PKP2: variants seen among roughly 807,000 people sequenced by gnomAD.
The protein encoded by PKP2 is plakophilin 2.
PKP2 carries 73 observed loss-of-function variants against 83.4 expected under a neutral mutation model. The ratio of observed to expected loss-of-function variants is 0.88; its 90% CI spans 0.72 to 1.06. PKP2 has a LOEUF of 1.06. Ranked by LOEUF, PKP2 falls within the 50% of genes least tolerant of loss-of-function variation. PKP2 has a pLI of 0.00. For synonymous variants in PKP2, 409 were observed against 430.4 expected (o/e 0.95, Z 0.62); for missense variants, 966 against 1,065.4 (o/e 0.91, Z 1.30).
chr12:32,850,621 GTA>G, intron 5 of PKP2, 143 bp downstream of exon 5: 1 of 718,108 alleles, frequency 1.4e-6, no homozygotes, highest in Non-Finnish European at 2.5e-6. Flanking sequence ...AAGCCAGCAG[GTA>G]ACAATGTTCC....
intron 10 of PKP2, among the ~76,000 whole-genome samples, chr12:32,797,561 T>TC (rs1956138798): frequency 1.0e-5 from 1 of 97,346 alleles, no homozygotes; most frequent in East Asian, 7.8e-4. Context: ...AACTAAAATC[T>TC]TTTTTTTTTT....
intron 4 of PKP2, among the ~76,000 whole-genome samples, chr12:32,856,386 G>A (rs1197126092): frequency 6.6e-6 from 1 of 152,158 alleles, no homozygotes; most frequent in Non-Finnish European, 1.5e-5. Flanking sequence ...AACAGAAGAT[G>A]GTGCTGGGAC....
chr12:32,797,407 C>T (rs994373754), intron 10 of PKP2, among the ~76,000 whole-genome samples: 1 of 123,932 alleles, frequency 8.1e-6, no homozygotes, highest in Non-Finnish European at 1.6e-5. Flanking sequence ...GATCACGCCA[C>T]TATTCTCCAG....
chr12:32,810,042 T>C (rs1390823773), intron 9 of PKP2, among the ~76,000 whole-genome samples: 1 of 152,220 alleles, frequency 6.6e-6, no homozygotes, highest in Non-Finnish European at 1.5e-5. Flanking sequence ...ATAGCTCTTA[T>C]TTTAGCAGTC....
Position 32,878,324 on chromosome 12 carries a change from C to A in PKP2, c.556G>T (p.Ala186Ser). The part of the protein sequence containing the change: ...HTLHHQESRR[A>S]ALLVPPRYAR... Reference sequence around the variant, plus strand: ...TATCTCGGTGGCACTAGGAGGGCGGCCCGCCTGCTTTCTTGGTGGTGCAGG... The same window carrying A: ...TATCTCGGTGGCACTAGGAGGGCGGACCGCCTGCTTTCTTGGTGGTGCAGG... Residue 186 changes from alanine (A) to serine (S), a missense_variant, in exon 3 of 13, where the codon GCC (alanine) becomes TCC (serine). Ala to Ser is a moderately conservative substitution (Grantham distance 99). Transcript: ENST00000340811. 6.2e-7 allele frequency: 1 copy of A among 1,611,928 alleles called. No homozygotes were observed. The highest frequency in any genetic ancestry group is 8.5e-7 in the Non-Finnish European group (1 of 1,179,730).
intron 6 of PKP2, among the ~76,000 whole-genome samples, chr12:32,825,414 G>A (rs1472273558): frequency 3.3e-5 from 5 of 152,050 alleles, no homozygotes; most frequent in Non-Finnish European, 5.9e-5. Context: ...CTTGTGAACC[G>A]CCCGCCTTGG....
At chr12:32,884,621 GA>G (rs1957014332) in intron 1 of PKP2, among the ~76,000 whole-genome samples, 1 of 152,112 alleles carries the variant, frequency 6.6e-6, no homozygotes, top group African/African-American at 2.4e-5. Flanking sequence ...GGTAAGAAAA[GA>G]AAACTTTTCT....
chr12:32,825,466 T>C (rs144182558), intron 6 of PKP2, among the ~76,000 whole-genome samples: 2,365 of 152,268 alleles, frequency 0.016, 26 homozygotes, highest in Non-Finnish European at 0.025. Flanking sequence ...CTACCACGCC[T>C]GGCCCAGATC....
At chr12:32,867,381 T>C (rs1276072967) in intron 4 of PKP2, among the ~76,000 whole-genome samples, 4 of 152,142 alleles carry the variant, frequency 2.6e-5, no homozygotes, top group Non-Finnish European at 5.9e-5. Context: ...GTTCGTAGGT[T>C]GAGGGCTGGA....
chr12:32,822,563 T>C lies in PKP2; in HGVS notation c.1743A>G (p.Lys581=), dbSNP rs1165879614. The change falls in exon 8 of 13, where the codon AAA becomes AAG. Residue 581 remains lysine, a synonymous_variant. Coordinates refer to ENST00000340811, the MANE Select transcript of PKP2 (RefSeq NM_001005242.3). ...SYQLEAELPE[K]YSQNIYIQNR... is the part of the protein sequence containing the mutation. Reference sequence around the variant, plus strand: ...TTTGAATATAGATATTCTGGGAATATTTCTCTGGGAGCTCTGCCTCCAGCT... The same window carrying C: ...TTTGAATATAGATATTCTGGGAATACTTCTCTGGGAGCTCTGCCTCCAGCT... 2 of 1,614,124 alleles carry C rather than the reference T, an allele frequency of 1.2e-6. No homozygotes were observed.
intron 6 of PKP2, among the ~76,000 whole-genome samples, chr12:32,831,418 T>C (rs935102400): frequency 6.6e-6 from 1 of 152,212 alleles, no homozygotes; most frequent in South Asian, 2.1e-4. Context: ...ATACAGTTCA[T>C]AAAACACCAA....
At position 32,861,592 on chromosome 12, in the gene PKP2, G is replaced by A. The variant is rs138542356; in HGVS notation, c.1170+7335C>T. Among the ~76,000 whole-genome samples, 1,175 of 152,262 alleles carry A rather than the reference G, an allele frequency of 7.7e-3. 14 individuals are homozygous for A. The highest frequency in any genetic ancestry group is 0.01 in the Non-Finnish European group (687 of 68,018). On this transcript the variant is annotated intron_variant, in intron 4 of 12. Transcript: ENST00000340811. ...AAAGAAAGATCTAAAGAAGCCTAACGTGTATGTAATTGTAGTTCCCAAAGG... is the reference window on the plus strand; with the variant it reads ...AAAGAAAGATCTAAAGAAGCCTAACATGTATGTAATTGTAGTTCCCAAAGG...
chr12:32,821,120 C>T (rs530813112), intron 9 of PKP2: 1 of 518,138 alleles, frequency 1.9e-6, no homozygotes, highest in South Asian at 2.1e-5. Flanking sequence ...CTTAAACCAG[C>T]TTGAGGCAGG....
chr12:32,871,198 T>A (rs1010007392), intron 3 of PKP2, among the ~76,000 whole-genome samples: 3 of 152,084 alleles, frequency 2.0e-5, no homozygotes, highest in Non-Finnish European at 4.4e-5. Flanking sequence ...ACTGCCACCT[T>A]CTTCACAAGC....
At chr12:32,825,162 CTTTTTTTT>C (rs10607965) in intron 6 of PKP2, among the ~76,000 whole-genome samples, 11 of 76,846 alleles carry the variant, frequency 1.4e-4, no homozygotes, top group South Asian at 5.3e-4. Context: ...AGATCAGTTT[CTTTTTTTT>C]TTTTTTTTTT....
intron 6 of PKP2, among the ~76,000 whole-genome samples, chr12:32,828,933 T>TG (rs1555143459): frequency 2.0e-5 from 3 of 152,182 alleles, no homozygotes; most frequent in Non-Finnish European, 4.4e-5. Context: ...CAGAAATTTT[T>TG]TTTTGTTTTG....
chr12:32,816,256 C>A (rs1366833077), intron 9 of PKP2, among the ~76,000 whole-genome samples: 4 of 152,080 alleles, frequency 2.6e-5, no homozygotes, highest in Non-Finnish European at 5.9e-5. Context: ...TTCTTGTAGT[C>A]CCCAGTGTCT....
At chr12:32,836,133 ATTAC>A (rs755273710) in intron 6 of PKP2, among the ~76,000 whole-genome samples, 7 of 152,198 alleles carry the variant, frequency 4.6e-5, no homozygotes, top group Non-Finnish European at 1.0e-4. Flanking sequence ...CTAGTGTAGT[ATTAC>A]TTAAGAAAAA....
intron 4 of PKP2, among the ~76,000 whole-genome samples, chr12:32,855,794 A>AAAAAAAAAAAAAAAAAAAG (rs1459718298): frequency 9.4e-5 from 14 of 148,394 alleles, no homozygotes; most frequent in African/African-American, 3.6e-4. Context: ...AAAAAAAAAA[A>AAAAAAAAAAAAAAAAAAAG]AGGAAGAAAA....
Sources: gnomAD v4.1 joint callset for allele counts (sites outside exome capture counted in the v4.1 genomes callset) on GRCh38, gnomAD v4.1.1 for gene constraint, MANE v1.5 for transcripts, NCBI Gene and HGNC (gene_info 2026-07-23, HGNC 2026-07-21) for gene names.